The following CHPT1 variants were observed in gnomAD, a reference collection of about 807,000 sequenced individuals.
CHPT1 encodes the protein choline phosphotransferase 1, also known as cholinephosphotransferase 1.
A neutral mutation model predicts 47.6 loss-of-function variants in CHPT1; 36 were observed. That is an observed-to-expected ratio of 0.76 (90% CI 0.58 to 1.00). The LOEUF (loss-of-function observed/expected upper bound fraction) is 1.00. Among genes scored for constraint, CHPT1 ranks in the 50% least tolerant of loss-of-function variants. The pLI is 0.00. For missense variants in CHPT1, 458 were observed against 498.1 expected (o/e 0.92, Z 0.77); for synonymous variants, 194 against 186.3 (o/e 1.04, Z -0.33).
intron 1 of CHPT1, among the ~76,000 whole-genome samples, chr12:101,706,556 G>A (rs1951636550): frequency 6.6e-6 from 1 of 152,162 alleles, no homozygotes; most frequent in South Asian, 2.1e-4. Flanking sequence ...GAGGCTGTAA[G>A]TGAAATTTGT....
At position 101,726,375 on chromosome 12, in the gene CHPT1, A is replaced by C. The variant is rs1427426695; in HGVS notation, c.1147A>C (p.Lys383Gln). 3.7e-6 allele frequency: 6 copies of C among 1,613,060 alleles called. No individual in the cohort carries two copies. The highest frequency in any genetic ancestry group is 5.1e-6 in the Non-Finnish European group (6 of 1,179,500). ...AAGACACCTTCATCTAAATATATTC[A>C]AGACTGCATGTCATCAAGCACCTGA... is the stretch of plus-strand genomic sequence containing the variant. ...ISRHLHLNIF[K>Q]TACHQAPEQV... Residue 383 changes from lysine (K) to glutamine (Q), a missense_variant, in exon 8 of 9, where the codon AAG (lysine) becomes CAG (glutamine). Transcript: ENST00000229266.
chr12:101,700,674 T>C (rs1951542310), intron 1 of CHPT1, among the ~76,000 whole-genome samples: 1 of 152,108 alleles, frequency 6.6e-6, no homozygotes, highest in Non-Finnish European at 1.5e-5. Flanking sequence ...ATAATACAAA[T>C]ATGTAAAGTG....
chr12:101,717,188 C>G (rs907273247), intron 4 of CHPT1: 1 of 414,942 alleles, frequency 2.4e-6, no homozygotes, highest in African/African-American at 2.0e-5. Flanking sequence ...AAACTTGTCA[C>G]TCAATATTAG....
chr12:101,725,331 T>A (rs1417240680), intron 7 of CHPT1, among the ~76,000 whole-genome samples: 1 of 152,012 alleles, frequency 6.6e-6, no homozygotes, highest in Non-Finnish European at 1.5e-5. Context: ...TGTTTAAAAA[T>A]CAGAATAATG....
In CHPT1 at chr12:101,728,912, T is replaced by G; in HGVS notation, c.1188T>G (p.Leu396=). ...ATCATATTACTTAGGTTCAAGTTCT[T>G]TCTTCAAAGAGTCATCAGAATAACA... ...CHQAPEQVQV[L]SSKSHQNNMD is the part of the protein sequence containing the mutation. The change falls in exon 9 of 9, where the codon CTT becomes CTG. Residue 396 remains leucine, a synonymous_variant. Transcript: ENST00000229266. The G allele has an allele frequency of 6.2e-7, 1 of 1,613,518 alleles. No individual in the cohort carries two copies. Among genetic ancestry groups the G allele is most frequent in the South Asian group, 1.1e-5 (1 of 91,062 alleles).
intron 4 of CHPT1, among the ~76,000 whole-genome samples, chr12:101,718,753 G>A (rs1787032654): frequency 6.6e-6 from 1 of 151,732 alleles, no homozygotes; most frequent in Non-Finnish European, 1.5e-5. Flanking sequence ...ATAGACTTTG[G>A]GCATGTTTTT....
chr12:101,711,122 C>A lies in CHPT1; in HGVS notation c.274-2968C>A, dbSNP rs1036303293. Among the ~76,000 whole-genome samples the A allele has an allele frequency of 2.7e-5, 4 of 148,254 alleles. 1 individual carries two copies. The highest frequency in any genetic ancestry group is 6.0e-5 in the Non-Finnish European group (4 of 66,344). Reference sequence around the variant, plus strand: ...GAATGAAATTGGACCTTATATTACACTGTATACAAAAATAAACTCAAAATG... The same window carrying A: ...GAATGAAATTGGACCTTATATTACAATGTATACAAAAATAAACTCAAAATG... On this transcript the variant is annotated intron_variant, in intron 1 of 8. Coordinates refer to ENST00000229266, the MANE Select transcript of CHPT1 (RefSeq NM_020244.3).
chr12:101,707,091 G>A (rs1232907365), intron 1 of CHPT1, among the ~76,000 whole-genome samples: 2 of 152,204 alleles, frequency 1.3e-5, no homozygotes, highest in African/African-American at 4.8e-5. Context: ...GAGTAGGTAG[G>A]AATGGAATGA....
rs748383370 is a variant in CHPT1, at chr12:101,723,206, AATT to A, written c.825_827del (p.Ile276del). On this transcript the variant is annotated inframe_deletion, in exon 6 of 9. Transcript: ENST00000229266. ...TGTCACCTGGACTCCACATAGGACT[AATT>A]ATTATACTGGCAATAATGATCTATA... is the stretch of plus-strand genomic sequence containing the variant. 8 of 1,612,552 alleles carry A rather than the reference AATT, an allele frequency of 5.0e-6. No individual in the cohort carries two copies. The highest frequency in any genetic ancestry group is 6.8e-6 in the Non-Finnish European group (8 of 1,178,922).
chr12:101,706,961 A>G (rs1039948283), intron 1 of CHPT1, among the ~76,000 whole-genome samples: 2 of 152,240 alleles, frequency 1.3e-5, no homozygotes, highest in African/African-American at 4.8e-5. Flanking sequence ...GTAGTTCCTT[A>G]TATTTGTATA....
At chr12:101,708,740 G>GC (rs1951667326) in intron 1 of CHPT1, among the ~76,000 whole-genome samples, 2 of 133,600 alleles carry the variant, frequency 1.5e-5, no homozygotes, top group East Asian at 2.3e-4. Context: ...GGGATTACAG[G>GC]AGTATGCCAC....
intron 4 of CHPT1, chr12:101,719,602 ATG>A: frequency 1.1e-6 from 1 of 923,260 alleles, no homozygotes; most frequent in Non-Finnish European, 1.5e-6. Context: ...TGTTACATTT[ATG>A]ATGCAAATCA....
At chr12:101,725,384 A>G (rs1232913802) in intron 7 of CHPT1, among the ~76,000 whole-genome samples, 1 of 152,160 alleles carries the variant, frequency 6.6e-6, no homozygotes, top group Non-Finnish European at 1.5e-5. Context: ...TAGGGCTCCC[A>G]AACAATCCAG....
rs1384492931 is a variant in CHPT1, at chr12:101,723,785, T to C, written c.1003T>C (p.Leu335=). The part of the protein sequence containing the change: ...QDTVFLGPGL[L]FLDQYFNNFI... Reference sequence around the variant, plus strand: ...CACTGTCTTTTTGGGGCCAGGTCTTTTGTTTTTAGACCAGTACTTTAATAA... The same window carrying C: ...CACTGTCTTTTTGGGGCCAGGTCTTCTGTTTTTAGACCAGTACTTTAATAA... The change falls in exon 7 of 9, where the codon TTG becomes CTG. Residue 335 remains leucine, a synonymous_variant. Transcript: ENST00000229266. 1 of 1,579,724 alleles carries C rather than the reference T, an allele frequency of 6.3e-7. No homozygotes were observed. The highest frequency in any genetic ancestry group is 1.1e-5 in the South Asian group (1 of 89,312).
chr12:101,699,329 A>T (rs994919718), intron 1 of CHPT1, among the ~76,000 whole-genome samples: 2 of 150,834 alleles, frequency 1.3e-5, no homozygotes, highest in Admixed American at 6.6e-5. Flanking sequence ...CAAAAATTTG[A>T]TCGAGCCTAC....
chr12:101,704,479 G>A (rs952965120), intron 1 of CHPT1, among the ~76,000 whole-genome samples: 7 of 149,372 alleles, frequency 4.7e-5, no homozygotes, highest in African/African-American at 1.7e-4. Context: ...TTGGCTCACT[G>A]CTACCTCCGC....
chr12:101,726,427 T>TAATAG (rs1555263685), intron 8 of CHPT1, 23 bp downstream of exon 8: 2 of 1,601,892 alleles, frequency 1.2e-6, no homozygotes, highest in South Asian at 2.2e-5. Flanking sequence ...ATTGACTGAC[T>TAATAG]AATAGCCCAA....
chr12:101,702,523 G>T (rs552495695), intron 1 of CHPT1, among the ~76,000 whole-genome samples: 3 of 152,128 alleles, frequency 2.0e-5, no homozygotes, highest in Admixed American at 1.3e-4. Flanking sequence ...TTTAAACACA[G>T]AATAAACCAT....
intron 3 of CHPT1, chr12:101,714,961 A>C: frequency 5.6e-6 from 1 of 178,916 alleles, no homozygotes; most frequent in Non-Finnish European, 1.2e-5. Context: ...CAGTACTTAA[A>C]TAAGCATTTG....
Sources: allele counts gnomAD v4.1 joint callset (sites outside exome capture counted in the v4.1 genomes callset), GRCh38; gene constraint gnomAD v4.1.1; transcripts MANE v1.5; gene names NCBI Gene and HGNC (gene_info 2026-07-23, HGNC 2026-07-21).